The following MDFIC2 variants were observed in gnomAD, a reference collection of about 807,000 sequenced individuals.
The protein encoded by MDFIC2 is myoD family inhibitor domain-containing protein 2.
Position 70,266,213 on chromosome 3 carries a change from A to G in MDFIC2, c.88+45673T>C, listed in dbSNP as rs369163216. Reference sequence around the variant, plus strand: ...TTTATGTTTTTTTATTGAAGGAGGAACTTATTTTCAGCTTTGTATTTTTGT... The same window carrying G: ...TTTATGTTTTTTTATTGAAGGAGGAGCTTATTTTCAGCTTTGTATTTTTGT... On this transcript the variant is annotated intron_variant, in intron 2 of 3. Transcript: ENST00000567252. 1.6e-4 allele frequency among the ~76,000 whole-genome samples: 24 copies of G among 152,100 alleles called. No homozygotes were observed. In the South Asian group the frequency reaches 5.0e-3, roughly 32 times the overall value.
At position 70,282,307 on chromosome 3, in the gene MDFIC2, G is replaced by C. The variant is rs373595904; in HGVS notation, c.88+29579C>G. 1.1e-4 allele frequency among the ~76,000 whole-genome samples: 16 copies of C among 152,146 alleles called. No homozygotes were observed. The South Asian group carries it at 3.3e-3, about 31-fold the overall frequency. ...TAACAGACACACCACTTAAGAAGAT[G>C]TATCCACCACATGGAATCTGATGTG... On this transcript the variant is annotated intron_variant, in intron 2 of 3. Coordinates refer to ENST00000567252, the MANE Select transcript of MDFIC2 (RefSeq NM_001364677.1).
chr3:70,258,164 A>T (rs1701834218), intron 2 of MDFIC2, among the ~76,000 whole-genome samples: 1 of 152,162 alleles, frequency 6.6e-6, no homozygotes, highest in South Asian at 2.1e-4. Context: ...TCTAAATGTA[A>T]GGCAAAAACT....
intron 3 of MDFIC2, among the ~76,000 whole-genome samples, chr3:70,203,498 T>C (rs1701260871): frequency 6.6e-6 from 1 of 152,126 alleles, no homozygotes; most frequent in Admixed American, 6.5e-5. Flanking sequence ...CAACTAACAC[T>C]CAAGTCAGTT....
At position 70,255,615 on chromosome 3, in the gene MDFIC2, C is replaced by T. The variant is rs565376052; in HGVS notation, c.89-48825G>A. Among the ~76,000 whole-genome samples the T allele has an allele frequency of 2.0e-4, 30 of 152,214 alleles. 2 individuals carry two copies. The South Asian group carries it at 6.2e-3, about 32-fold the overall frequency. ...CAGCTAGGACTGCAGGCATGCACCA[C>T]CAAGCCTGGCTATTTTTTTTTCCTG... On this transcript the variant is annotated intron_variant, in intron 2 of 3. Coordinates refer to ENST00000567252, the MANE Select transcript of MDFIC2 (RefSeq NM_001364677.1).
At chr3:70,231,963 T>C (rs1280983532) in intron 2 of MDFIC2, among the ~76,000 whole-genome samples, 1 of 152,200 alleles carries the variant, frequency 6.6e-6, no homozygotes, top group African/African-American at 2.4e-5. Flanking sequence ...AGTTGTTCAG[T>C]GTTGGGAGCC....
intron 2 of MDFIC2, among the ~76,000 whole-genome samples, chr3:70,285,837 T>C (rs1702156632): frequency 6.6e-6 from 1 of 152,208 alleles, no homozygotes; most frequent in Non-Finnish European, 1.5e-5. Context: ...CATGTGTTTT[T>C]TGGCTGCATA....
At chr3:70,198,802 C>T (rs1370023377) in intron 3 of MDFIC2, among the ~76,000 whole-genome samples, 1 of 152,194 alleles carries the variant, frequency 6.6e-6, no homozygotes, top group Non-Finnish European at 1.5e-5. Context: ...CTGTATTTTT[C>T]TTCACTTAGA....
chr3:70,278,090 C>A (rs1363951034), intron 2 of MDFIC2, among the ~76,000 whole-genome samples: 2 of 152,192 alleles, frequency 1.3e-5, no homozygotes, highest in African/African-American at 4.8e-5. Context: ...CAGCTCTCAT[C>A]ATTTCCCCCG....
At chr3:70,244,439 T>A (rs903483059) in intron 2 of MDFIC2, among the ~76,000 whole-genome samples, 1 of 152,188 alleles carries the variant, frequency 6.6e-6, no homozygotes, top group Non-Finnish European at 1.5e-5. Context: ...TAAAATAACA[T>A]GTAAAGGAAC....
chr3:70,304,001 T>C (rs536329621), intron 2 of MDFIC2, among the ~76,000 whole-genome samples: 1 of 152,164 alleles, frequency 6.6e-6, no homozygotes, highest in African/African-American at 2.4e-5. Context: ...CTTTAGAGAA[T>C]AAAATGTAGT....
intron 2 of MDFIC2, among the ~76,000 whole-genome samples, chr3:70,270,689 T>C (rs1407016010): frequency 6.6e-6 from 1 of 152,156 alleles, no homozygotes; most frequent in Non-Finnish European, 1.5e-5. Context: ...AAATACACCA[T>C]GGAATACTAT....
At chr3:70,201,162 G>A (rs1047657083) in intron 3 of MDFIC2, among the ~76,000 whole-genome samples, 1 of 151,962 alleles carries the variant, frequency 6.6e-6, no homozygotes, top group Non-Finnish European at 1.5e-5. Flanking sequence ...ATTAAGTCTA[G>A]TACTCATTAT....
chr3:70,201,223 T>C (rs11707366), intron 3 of MDFIC2, among the ~76,000 whole-genome samples: 122,364 of 151,796 alleles, frequency 0.81, 50,982 homozygotes, highest in Non-Finnish European at 0.92. Context: ...ATAAGCCCCA[T>C]TGTGTGTCGT....
chr3:70,291,554 T>C (rs549867821), intron 2 of MDFIC2, among the ~76,000 whole-genome samples: 2 of 152,288 alleles, frequency 1.3e-5, no homozygotes, highest in African/African-American at 4.8e-5. Context: ...CATTCTGAGA[T>C]TCTCAGAAGG....
intron 2 of MDFIC2, among the ~76,000 whole-genome samples, chr3:70,219,181 T>C (rs1036055259): frequency 1.3e-5 from 2 of 152,166 alleles, no homozygotes; most frequent in African/African-American, 4.8e-5. Flanking sequence ...TTTAAAAATA[T>C]GGAAAAACAA....
intron 3 of MDFIC2, among the ~76,000 whole-genome samples, chr3:70,197,922 A>G (rs1701197483): frequency 6.6e-6 from 1 of 152,174 alleles, no homozygotes; most frequent in African/African-American, 2.4e-5. Flanking sequence ...AAAAATCTGG[A>G]AAGTATCTCT....
intron 2 of MDFIC2, among the ~76,000 whole-genome samples, chr3:70,236,949 G>C (rs1701615985): frequency 6.6e-6 from 1 of 152,228 alleles, no homozygotes; most frequent in East Asian, 1.9e-4. Context: ...GTCACATGTA[G>C]GTAAGTTTCT....
chr3:70,291,158 A>G (rs1185601622), intron 2 of MDFIC2: 2 of 152,106 alleles, frequency 1.3e-5, no homozygotes, highest in Non-Finnish European at 2.9e-5. Flanking sequence ...TTTTTCACAT[A>G]TTTGCATGTT....
intron 2 of MDFIC2, among the ~76,000 whole-genome samples, chr3:70,296,016 T>TA (rs763593272): frequency 2.6e-5 from 4 of 152,328 alleles, no homozygotes; most frequent in Non-Finnish European, 5.9e-5. Context: ...AAACTGTGGC[T>TA]AACATGCATT....
Sources: gnomAD v4.1 joint callset for allele counts (sites outside exome capture counted in the v4.1 genomes callset) on GRCh38, gnomAD v4.1.1 for gene constraint, MANE v1.5 for transcripts, NCBI Gene and HGNC (gene_info 2026-07-23, HGNC 2026-07-21) for gene names.